Variants in USO1 observed in about 807,000 individuals in gnomAD.
USO1 encodes the protein USO1 vesicle transport factor.
USO1 carries 57 observed loss-of-function variants against 124.5 expected under a neutral mutation model. That is an observed-to-expected ratio of 0.46 (90% CI 0.37 to 0.57). The LOEUF is 0.57. Among genes scored for constraint, USO1 ranks in the 20% least tolerant of loss-of-function variants. The pLI is 0.00. For missense variants in USO1, 900 were observed against 1,040.6 expected (o/e 0.86, Z 1.86); for synonymous variants, 369 against 362.8 (o/e 1.02, Z -0.19).
At chr4:75,751,070 C>G (rs1375280279) in intron 1 of USO1, among the ~76,000 whole-genome samples, 1 of 151,820 alleles carries the variant, frequency 6.6e-6, no homozygotes, top group Admixed American at 6.6e-5. Flanking sequence ...GAATGTATTA[C>G]AATTGTTTAG....
At position 75,789,096 on chromosome 4, in the gene USO1, G is replaced by A. The variant is rs117198922; in HGVS notation, c.997-1054G>A. 5.9e-5 allele frequency among the ~76,000 whole-genome samples: 9 copies of A among 151,598 alleles called. No individual in the cohort carries two copies. In the East Asian group the frequency reaches 1.2e-3, roughly 20 times the overall value. On this transcript the variant is annotated intron_variant, in intron 10 of 23. Coordinates refer to ENST00000514213, the MANE Select transcript of USO1 (RefSeq NM_003715.4). ...TCTTTTTCTCTCTAGAAACTTTTGAGATCTGTTATTTTTGATTTTCTGAAA... is the reference window on the plus strand; with the variant it reads ...TCTTTTTCTCTCTAGAAACTTTTGAAATCTGTTATTTTTGATTTTCTGAAA...
At chr4:75,758,472 AAGT>A (rs1367530627) in intron 4 of USO1, among the ~76,000 whole-genome samples, 1 of 152,216 alleles carries the variant, frequency 6.6e-6, no homozygotes, top group African/African-American at 2.4e-5. Flanking sequence ...TTAAAATTAA[AAGT>A]AGAGCAGGAA....
At chr4:75,775,982 T>A (rs1722063374) in intron 8 of USO1, among the ~76,000 whole-genome samples, 2 of 152,198 alleles carry the variant, frequency 1.3e-5, no homozygotes, top group Admixed American at 6.5e-5. Context: ...GGTCTAGGTA[T>A]TAGACGGGTT....
At chr4:75,742,352 A>G (rs1323448319) in intron 1 of USO1, among the ~76,000 whole-genome samples, 2 of 152,150 alleles carry the variant, frequency 1.3e-5, no homozygotes, top group South Asian at 2.1e-4. Flanking sequence ...GGAATTTTGC[A>G]TTTCCATTAT....
chr4:75,760,532 A>C (rs1351693832), intron 4 of USO1: 1 of 395,508 alleles, frequency 2.5e-6, no homozygotes, highest in Non-Finnish European at 4.5e-6. Flanking sequence ...ATACTACTAC[A>C]TTAAAAAACT....
intron 1 of USO1, among the ~76,000 whole-genome samples, chr4:75,731,000 C>T (rs1720615795): frequency 6.6e-6 from 1 of 152,056 alleles, no homozygotes; most frequent in Non-Finnish European, 1.5e-5. Flanking sequence ...TTCATTATGA[C>T]CCCTTGCTTA....
At chr4:75,728,723 A>G (rs1449423503) in intron 1 of USO1, among the ~76,000 whole-genome samples, 1 of 152,234 alleles carries the variant, frequency 6.6e-6, no homozygotes, top group African/African-American at 2.4e-5. Flanking sequence ...TCTATAAAGT[A>G]CTGGATATTT....
chr4:75,726,281 C>CA (rs1182405273), intron 1 of USO1, among the ~76,000 whole-genome samples: 29,297 of 74,578 alleles, frequency 0.39, 4,637 homozygotes, highest in African/African-American at 0.45. Flanking sequence ...AACTCTGTCT[C>CA]AAAAAAAAAA....
At chr4:75,737,041 T>C (rs974532894) in intron 1 of USO1, among the ~76,000 whole-genome samples, 4 of 152,182 alleles carry the variant, frequency 2.6e-5, no homozygotes, top group African/African-American at 4.8e-5. Context: ...CATATCCTGA[T>C]TTGAGGATGT....
chr4:75,739,060 G>T (rs76084512), intron 1 of USO1, among the ~76,000 whole-genome samples: 1 of 151,982 alleles, frequency 6.6e-6, no homozygotes. Flanking sequence ...CACCAGGTTC[G>T]CCAGGCTGGT....
chr4:75,760,775 A>G (rs1359740940), intron 4 of USO1, among the ~76,000 whole-genome samples: 1 of 152,226 alleles, frequency 6.6e-6, no homozygotes, highest in Non-Finnish European at 1.5e-5. Flanking sequence ...AACTTACATT[A>G]CTATTATTTC....
intron 3 of USO1, among the ~76,000 whole-genome samples, chr4:75,757,118 T>TCC (rs10666408): frequency 1.3e-5 from 2 of 151,650 alleles, no homozygotes; most frequent in Non-Finnish European, 2.9e-5. Context: ...ATGGAATAAC[T>TCC]GTGCATAAAT....
chr4:75,781,060 C>T (rs890650948), intron 8 of USO1, among the ~76,000 whole-genome samples: 25 of 151,970 alleles, frequency 1.6e-4, no homozygotes, highest in African/African-American at 5.8e-4. Flanking sequence ...TTTCTGGAAA[C>T]GATTTGCCAT....
chr4:75,780,640 C>CTTTTTTTTTTTTTTTTTTTTTTT (rs71210204), intron 8 of USO1, among the ~76,000 whole-genome samples: 1 of 59,138 alleles, frequency 1.7e-5, no homozygotes, highest in Non-Finnish European at 2.9e-5. Flanking sequence ...TAAATTTTGA[C>CTTTTTTTTTTTTTTTTTTTTTTT]TTTTTTTTTT....
At chr4:75,760,250 A>G (rs1025546031) in intron 4 of USO1, among the ~76,000 whole-genome samples, 3 of 152,150 alleles carry the variant, frequency 2.0e-5, no homozygotes, top group Non-Finnish European at 4.4e-5. Flanking sequence ...AAAAATAGAC[A>G]TTGAGACATG....
chr4:75,768,709 T>G (rs1400162332), intron 4 of USO1, among the ~76,000 whole-genome samples: 1 of 152,228 alleles, frequency 6.6e-6, no homozygotes, highest in Non-Finnish European at 1.5e-5. Flanking sequence ...CTCCTTCTGA[T>G]CTTAAAGAGG....
intron 3 of USO1, among the ~76,000 whole-genome samples, chr4:75,754,412 C>T (rs1721379353): frequency 6.6e-6 from 1 of 152,148 alleles, no homozygotes; most frequent in South Asian, 2.1e-4. Flanking sequence ...ATTTTATCTC[C>T]ATCTTTGGTT....
intron 3 of USO1, among the ~76,000 whole-genome samples, chr4:75,753,845 A>G (rs1721355148): frequency 3.6e-5 from 5 of 137,468 alleles, no homozygotes; most frequent in African/African-American, 1.1e-4. Context: ...GTGCAGTGGC[A>G]TGATCTCAGC....
chr4:75,774,142 C>T (rs1206247273), intron 7 of USO1, among the ~76,000 whole-genome samples: 1 of 152,152 alleles, frequency 6.6e-6, no homozygotes. Context: ...GTTGGACATG[C>T]CATTCACGAA....
Sources: allele counts gnomAD v4.1 joint callset (sites outside exome capture counted in the v4.1 genomes callset), GRCh38; gene constraint gnomAD v4.1.1; transcripts MANE v1.5; gene names NCBI Gene and HGNC (gene_info 2026-07-23, HGNC 2026-07-21).